The following ZNF133 variants were observed in gnomAD, a reference collection of about 807,000 sequenced individuals.
The protein encoded by ZNF133 is zinc finger protein 133 (clone pHZ-13).
In ZNF133, 26 loss-of-function variants were observed where a neutral mutation model predicts 54.9. The ratio of observed to expected loss-of-function variants is 0.47; its 90% confidence interval spans 0.35 to 0.66. The LOEUF is 0.66. Ranked by LOEUF, ZNF133 falls within the 30% of genes least tolerant of loss-of-function variation. The probability of loss-of-function intolerance (pLI) is 0.01; values close to 1 mark genes in which losing one functional copy is unlikely to be tolerated. For synonymous variants in ZNF133, 298 were observed against 320.3 expected (o/e 0.93, Z 0.74); for missense variants, 653 against 820.8 (o/e 0.80, Z 2.50).
intron 1 of ZNF133, among the ~76,000 whole-genome samples, chr20:18,296,162 C>G (rs2042193844): frequency 6.6e-6 from 1 of 152,120 alleles, no homozygotes; most frequent in African/African-American, 2.4e-5. Context: ...TTTTCCTCCT[C>G]TTTCTTCTCC....
At chr20:18,313,683 G>T (rs2147851370) in intron 6 of ZNF133, 1 of 152,304 alleles carries the variant, frequency 6.6e-6, no homozygotes, top group South Asian at 2.1e-4. Context: ...GGAAGTTGCT[G>T]GCCAGAAATA....
intron 3 of ZNF133, among the ~76,000 whole-genome samples, chr20:18,298,994 ACT>A (rs771561225): frequency 1.3e-5 from 2 of 152,008 alleles, no homozygotes; most frequent in Non-Finnish European, 2.9e-5. Flanking sequence ...CAAAAGGGAG[ACT>A]CTAACAGAGT....
chr20:18,309,657 G>A (rs1273571793), intron 6 of ZNF133, among the ~76,000 whole-genome samples: 1 of 152,222 alleles, frequency 6.6e-6, no homozygotes, highest in Admixed American at 6.5e-5. Flanking sequence ...AGTGCTGACA[G>A]GTATTGGTGT....
chr20:18,309,545 A>C (rs2045396031), intron 6 of ZNF133, among the ~76,000 whole-genome samples: 1 of 152,188 alleles, frequency 6.6e-6, no homozygotes, highest in South Asian at 2.1e-4. Context: ...GAATGTGAAG[A>C]TTGTGCAGTG....
At chr20:18,296,723 G>A (rs1458576354) in intron 1 of ZNF133, among the ~76,000 whole-genome samples, 1 of 152,210 alleles carries the variant, frequency 6.6e-6, no homozygotes, top group Non-Finnish European at 1.5e-5. Context: ...ATGCTGGTAT[G>A]AACATGAGCG....
chr20:18,299,581 A>C (rs992932837), intron 3 of ZNF133, among the ~76,000 whole-genome samples: 1 of 152,226 alleles, frequency 6.6e-6, no homozygotes, highest in Non-Finnish European at 1.5e-5. Context: ...ATAAACATCC[A>C]AGCAGCTCAA....
chr20:18,306,542 C>A, intron 6 of ZNF133, 149 bp downstream of exon 6: 1 of 925,362 alleles, frequency 1.1e-6, no homozygotes, highest in Non-Finnish European at 1.6e-6. Context: ...GCCTCCCTTC[C>A]AGATCTCCAT....
At position 18,316,089 on chromosome 20, in the gene ZNF133, G is replaced by A. The variant is rs2047393403; in HGVS notation, c.1238G>A (p.Gly413Glu). 1 of 1,613,216 alleles carries A rather than the reference G, an allele frequency of 6.2e-7. No individual in the cohort carries two copies. Reference sequence around the variant, plus strand: ...TCAAAGGAGAAGCCCTATGTGTGCGGGGTGTGTGGGCACAGCTTCAGCCAG... The same window carrying A: ...TCAAAGGAGAAGCCCTATGTGTGCGAGGTGTGTGGGCACAGCTTCAGCCAG... ...THSKEKPYVC[G>E]VCGHSFSQNS... The change falls in exon 7 of 7, where the codon GGG (glycine) becomes GAG (glutamate). Residue 413 changes from glycine (G) to glutamate (E), a missense_variant. Coordinates refer to ENST00000425686, the MANE Select transcript of ZNF133 (RefSeq NM_001352452.2).
At chr20:18,289,213 C>A (rs1162288376) in intron 1 of ZNF133, among the ~76,000 whole-genome samples, 1 of 152,072 alleles carries the variant, frequency 6.6e-6, no homozygotes, top group African/African-American at 2.4e-5. Flanking sequence ...TTGGTCACCC[C>A]CGGGTTCGGG....
intron 1 of ZNF133, among the ~76,000 whole-genome samples, chr20:18,292,537 C>T (rs2041287426): frequency 6.6e-6 from 1 of 152,142 alleles, no homozygotes; most frequent in Non-Finnish European, 1.5e-5. Context: ...GAGATTTTTA[C>T]TCAGTCACCT....
chr20:18,291,624 C>T (rs1369314835), intron 1 of ZNF133, among the ~76,000 whole-genome samples: 1 of 152,150 alleles, frequency 6.6e-6, no homozygotes, highest in Non-Finnish European at 1.5e-5. Context: ...GCTTTAAATG[C>T]CATCTGTCTG....
chr20:18,303,737 A>T (rs1198509093), intron 3 of ZNF133, among the ~76,000 whole-genome samples: 6 of 152,230 alleles, frequency 3.9e-5, no homozygotes, highest in Admixed American at 2.6e-4. Context: ...CTGTATATTT[A>T]TATGCTGAAG....
At chr20:18,294,145 G>T (rs908453647) in intron 1 of ZNF133, among the ~76,000 whole-genome samples, 5 of 152,168 alleles carry the variant, frequency 3.3e-5, no homozygotes, top group Admixed American at 6.5e-5. Context: ...AAGTGATCAA[G>T]ATCAAGGTTA....
At position 18,297,920 on chromosome 20, in the gene ZNF133, C is replaced by T. The variant is rs1321485998; in HGVS notation, c.-431-65C>T. 7 of 1,078,978 alleles carry T rather than the reference C, an allele frequency of 6.5e-6. 1 individual carries two copies. The highest frequency in any genetic ancestry group is 5.4e-6 in the Non-Finnish European group (4 of 739,072). The allele number at this position is 1,078,978 out of a possible 1,614,324, so 66.8% of individuals were successfully genotyped here. A position where few individuals can be genotyped will look rare whatever the true frequency, so the allele number is the denominator to read the frequency against. On this transcript the variant is annotated intron_variant, in intron 1 of 6. Transcript: ENST00000425686. ...CCAGTTGTGGGGTTAAAGAGCAGGCCCTGCTTCACTCATGGGGAGAGCATT... is the reference window on the plus strand; with the variant it reads ...CCAGTTGTGGGGTTAAAGAGCAGGCTCTGCTTCACTCATGGGGAGAGCATT...
rs1445654541 is a variant in ZNF133 at position 18,315,380 on chromosome 20, T to C, written c.529T>C (p.Ser177Pro). 2 of 1,614,006 alleles carry C rather than the reference T, an allele frequency of 1.2e-6. No homozygotes were observed. The highest frequency in any genetic ancestry group is 1.3e-5 in the African/African-American group (1 of 74,954). ...GCCACCCCAGAGGCAGCCAGTCAGC[T>C]CTCGGAACGGCCTCAGAGGGGTGGA... Reference protein sequence around the residue: ...SRPPQRQPVSSRNGLRGVELE... With the variant: ...SRPPQRQPVSPRNGLRGVELE... Residue 177 changes from serine (S) to proline (P), a missense_variant, in exon 7 of 7, where the codon TCT becomes CCT. Physicochemically the swap from Ser to Pro is moderately conservative, Grantham distance 74 (BLOSUM62 -1). Transcript: ENST00000425686.
chr20:18,301,355 G>C (rs2043323359), intron 3 of ZNF133, among the ~76,000 whole-genome samples: 1 of 151,998 alleles, frequency 6.6e-6, no homozygotes, highest in Non-Finnish European at 1.5e-5. Context: ...ACAACTTAGG[G>C]AACCAGAAAA....
At chr20:18,289,734 C>G (rs544672418) in intron 1 of ZNF133, among the ~76,000 whole-genome samples, 1 of 152,286 alleles carries the variant, frequency 6.6e-6, no homozygotes, top group African/African-American at 2.4e-5. Flanking sequence ...CTGGTGTATA[C>G]TAAGTGTTCA....
In ZNF133 at chr20:18,304,940, C is replaced by T. The variant is rs967845400; in HGVS notation, c.-177-68C>T. On this transcript the variant is annotated intron_variant, in intron 3 of 6. Coordinates refer to ENST00000425686, the MANE Select transcript of ZNF133 (RefSeq NM_001352452.2). ...CTAGCACTTTCTTCTTCCCTTGATTCCAACCCATTCTCCAAGACCAAGTTG... is the reference window on the plus strand; with the variant it reads ...CTAGCACTTTCTTCTTCCCTTGATTTCAACCCATTCTCCAAGACCAAGTTG... 10 of 936,860 alleles carry T rather than the reference C, an allele frequency of 1.1e-5. 1 individual carries two copies. In the South Asian group the frequency reaches 3.9e-4, roughly 37 times the overall value. 58.0% of individuals were successfully genotyped at this position (936,860 alleles called of 1,614,324 possible). A position where few individuals can be genotyped will look rare whatever the true frequency, so the allele number is the denominator to read the frequency against.
chr20:18,297,892 C>T, intron 1 of ZNF133, 93 bp from the exon 2 acceptor site: 1 of 745,302 alleles, frequency 1.3e-6, no homozygotes, highest in Non-Finnish European at 2.2e-6. Context: ...TGCCACTGCG[C>T]CCCCAGTTGT....
Sources: gnomAD v4.1 joint callset for allele counts (sites outside exome capture counted in the v4.1 genomes callset) on GRCh38, gnomAD v4.1.1 for gene constraint, MANE v1.5 for transcripts, NCBI Gene and HGNC (gene_info 2026-07-23, HGNC 2026-07-21) for gene names.